Variants in ZNF362 observed in about 807,000 individuals in gnomAD.
ZNF362 encodes zinc finger protein 362.
ZNF362 carries 11 observed loss-of-function variants against 42.9 expected under a neutral mutation model. The ratio of observed to expected loss-of-function variants is 0.26; its 90% CI spans 0.16 to 0.42. ZNF362 has a LOEUF of 0.42. ZNF362 is among the 20% of genes least tolerant of loss of function. The pLI, the probability that ZNF362 is intolerant of heterozygous loss-of-function variation, is 1.00. For missense variants in ZNF362, 362 were observed against 576.2 expected (o/e 0.63, Z 3.81); for synonymous variants, 255 against 257.3 (o/e 0.99, Z 0.09).
the ZNF362 span, among the ~76,000 whole-genome samples, chr1:33,215,459 G>A: frequency 6.6e-6 from 1 of 152,066 alleles, no homozygotes; most frequent in Non-Finnish European, 1.5e-5. Flanking sequence ...ACAACAGAGT[G>A]ACTATGGTCA....
the ZNF362 span, among the ~76,000 whole-genome samples, chr1:33,197,912 T>C: frequency 6.6e-6 from 1 of 152,154 alleles, no homozygotes; most frequent in Non-Finnish European, 1.5e-5. Flanking sequence ...CCGGCCACAG[T>C]AGAAAAATCT....
chr1:33,279,657 T>TTA (rs1290442753), intron 4 of ZNF362, among the ~76,000 whole-genome samples: 4 of 151,656 alleles, frequency 2.6e-5, no homozygotes, highest in Non-Finnish European at 5.9e-5. Flanking sequence ...TTTTTTTTTT[T>TTA]TTATTACTCC....
At chr1:33,219,982 G>A in the ZNF362 span, among the ~76,000 whole-genome samples, 1 of 152,218 alleles carries the variant, frequency 6.6e-6, no homozygotes, top group Non-Finnish European at 1.5e-5. Flanking sequence ...AGGCATGGCC[G>A]AAGAGGCCCC....
chr1:33,157,623 C>T, the ZNF362 span, among the ~76,000 whole-genome samples: 1 of 152,160 alleles, frequency 6.6e-6, no homozygotes, highest in East Asian at 1.9e-4. Context: ...TATGGTATCT[C>T]CAGCACCTAG....
chr1:33,257,420 TTC>T (rs1162903967), intron 1 of ZNF362, among the ~76,000 whole-genome samples: 1 of 150,678 alleles, frequency 6.6e-6, no homozygotes, highest in East Asian at 1.9e-4. Context: ...CTTTCTTTCT[TTC>T]TTTCTTTTTT....
chr1:33,189,528 T>C, the ZNF362 span, among the ~76,000 whole-genome samples: 2 of 150,808 alleles, frequency 1.3e-5, no homozygotes, highest in African/African-American at 4.9e-5. Context: ...ACATCGTTTA[T>C]TGTAACTCTT....
rs1646161636 is a variant in ZNF362 at position 33,300,651 on chromosome 1, CAAAG to C, written c.*1606_*1609del. On this transcript the variant is annotated 3_prime_UTR_variant, in exon 9 of 9. Transcript: ENST00000539719. ...GGAAAACACTAAAGGGGGCAAGAAACAAAGGAATTACAAACCCTCTGCTCTTTGT... is the reference window on the plus strand; with the variant it reads ...GGAAAACACTAAAGGGGGCAAGAAACGAATTACAAACCCTCTGCTCTTTGT... The C allele has an allele frequency of 6.6e-6, 1 of 151,998 alleles. No homozygotes were observed. Among genetic ancestry groups the C allele is most frequent in the Non-Finnish European group, 1.5e-5 (1 of 67,998 alleles). The allele number at this position is 151,998 out of a possible 1,614,324, so 9.4% of individuals were successfully genotyped here.
At chr1:33,140,997 GC>G in the ZNF362 span, among the ~76,000 whole-genome samples, 1 of 152,276 alleles carries the variant, frequency 6.6e-6, no homozygotes, top group African/African-American at 2.4e-5. This position sits in a 1 kb window ranked among gnomAD's most constrained non-coding sequence, Gnocchi z 4.0. Context: ...CTTGGATCTG[GC>G]CCTGACTGTG....
intron 6 of ZNF362, among the ~76,000 whole-genome samples, chr1:33,287,500 AAACC>A (rs1401936598): frequency 8.5e-5 from 13 of 152,218 alleles, no homozygotes; most frequent in Admixed American, 1.3e-4. Flanking sequence ...AACAACAAAC[AAACC>A]AACCATTGTT....
the ZNF362 span, among the ~76,000 whole-genome samples, chr1:33,155,283 G>A: frequency 6.6e-6 from 1 of 151,892 alleles, no homozygotes; most frequent in Non-Finnish European, 1.5e-5. Context: ...TGTTGGCCAG[G>A]CTGGTCTCGA....
At chr1:33,159,765 T>C in the ZNF362 span, 1 of 1,613,616 alleles carries the variant, frequency 6.2e-7, no homozygotes, top group Non-Finnish European at 8.5e-7. The surrounding 1 kb of genome is among the most constrained non-coding windows in gnomAD (Gnocchi z 4.2). Context: ...GGATCTGGGC[T>C]CCCTCCTGGA....
chr1:33,241,090 C>T, the ZNF362 span, among the ~76,000 whole-genome samples: 18 of 150,158 alleles, frequency 1.2e-4, 1 homozygote, highest in South Asian at 6.5e-4. Context: ...ACAATTCCCC[C>T]GCCCCGCCCC....
the ZNF362 span, among the ~76,000 whole-genome samples, chr1:33,228,381 C>G: frequency 6.6e-6 from 1 of 152,046 alleles, no homozygotes; most frequent in Non-Finnish European, 1.5e-5. Flanking sequence ...AATTTTTGTC[C>G]CCAGTCCTGA....
At chr1:33,234,496 C>G in the ZNF362 span, among the ~76,000 whole-genome samples, 12 of 152,146 alleles carry the variant, frequency 7.9e-5, no homozygotes, top group African/African-American at 2.9e-4. Flanking sequence ...TAAAGACCCC[C>G]CACCCCATCT....
At chr1:33,189,671 A>ATATATG in the ZNF362 span, among the ~76,000 whole-genome samples, 55 of 105,048 alleles carry the variant, frequency 5.2e-4, 2 homozygotes, top group African/African-American at 1.7e-3. Context: ...ATATATATAT[A>ATATATG]TGTATATATA....
At chr1:33,193,507 AG>A in the ZNF362 span, among the ~76,000 whole-genome samples, 2 of 152,228 alleles carry the variant, frequency 1.3e-5, no homozygotes, top group Non-Finnish European at 2.9e-5. Flanking sequence ...TAGGAAAGAA[AG>A]TCAGAAGATG....
chr1:33,162,799 G>T, the ZNF362 span: 2 of 152,380 alleles, frequency 1.3e-5, no homozygotes, highest in Non-Finnish European at 2.9e-5. Context: ...TACCTGGCTT[G>T]CTGACTACAA....
chr1:33,159,456 G>A, the ZNF362 span, among the ~76,000 whole-genome samples: 4 of 152,288 alleles, frequency 2.6e-5, no homozygotes, highest in East Asian at 7.7e-4. This position sits in a 1 kb window ranked among gnomAD's most constrained non-coding sequence, Gnocchi z 4.2. Context: ...CCCTCTAGAT[G>A]GTTTTCAAAC....
the ZNF362 span, among the ~76,000 whole-genome samples, chr1:33,141,200 A>G: frequency 6.6e-6 from 1 of 151,164 alleles, no homozygotes; most frequent in African/African-American, 2.4e-5. Context: ...TGCAGCCCCC[A>G]ACTCTGATAG....
Sources: gnomAD v4.1 joint callset for allele counts (sites outside exome capture counted in the v4.1 genomes callset) on GRCh38, gnomAD v4.1.1 for gene constraint, Gnocchi (gnomAD v3.1) non-coding constraint, MANE v1.5 for transcripts, NCBI Gene and HGNC (gene_info 2026-07-23, HGNC 2026-07-21) for gene names.